Variants in KCNT2 observed in about 807,000 individuals in gnomAD.
The protein encoded by KCNT2 is potassium sodium-activated channel subfamily T member 2.
Under a neutral mutation model 153.8 loss-of-function variants are expected in KCNT2, and 67 were observed. That is an observed-to-expected ratio of 0.44 (90% CI 0.36 to 0.53). The LOEUF is 0.53. Among genes scored for constraint, KCNT2 ranks in the 20% least tolerant of loss-of-function variants. KCNT2 has a pLI of 0.00. For missense variants in KCNT2, 975 were observed against 1,354.8 expected, an observed-to-expected ratio of 0.72 and a Z score of 4.40; for synonymous variants, 500 against 458.8, an observed-to-expected ratio of 1.09 and a Z score of -1.15.
intron 8 of KCNT2, among the ~76,000 whole-genome samples, chr1:196,444,070 A>G (rs1042903705): frequency 6.6e-6 from 1 of 151,534 alleles, no homozygotes; most frequent in African/African-American, 2.4e-5. Context: ...GGTGGCTTAC[A>G]GAAGAAATGA....
intron 10 of KCNT2, among the ~76,000 whole-genome samples, chr1:196,426,312 T>C (rs570984317): frequency 1.4e-4 from 22 of 152,168 alleles, no homozygotes; most frequent in African/African-American, 4.6e-4. Flanking sequence ...ATCTACAGAC[T>C]GATCCTAAAA....
chr1:196,318,315 G>C (rs956512860), intron 20 of KCNT2, among the ~76,000 whole-genome samples: 1 of 151,678 alleles, frequency 6.6e-6, no homozygotes, highest in Non-Finnish European at 1.5e-5. Flanking sequence ...ACAAGCAAAA[G>C]AGGAGAATTG....
intron 26 of KCNT2, among the ~76,000 whole-genome samples, chr1:196,244,896 G>A (rs1655286529): frequency 6.6e-6 from 1 of 152,164 alleles, no homozygotes; most frequent in Non-Finnish European, 1.5e-5. Flanking sequence ...CCTTGGGCAA[G>A]GCCCCATAGT....
intron 1 of KCNT2, among the ~76,000 whole-genome samples, chr1:196,534,634 GA>G (rs1487887596): frequency 5.9e-5 from 9 of 151,714 alleles, no homozygotes; most frequent in East Asian, 1.9e-4. Flanking sequence ...TAAAAGAACA[GA>G]AAAAAAGGAA....
rs376035786 is a variant in KCNT2 at position 196,282,361 on chromosome 1, A to C, written c.2698-5T>G. On this transcript the variant is annotated splice_polypyrimidine_tract_variant and splice_region_variant and intron_variant, in intron 23 of 27. Coordinates refer to ENST00000294725, the MANE Select transcript of KCNT2 (RefSeq NM_198503.5). The stretch of plus-strand genomic sequence containing the variant: ...CATATAATCCTTCACAAATGACTGC[A>C]ATATAAACAAACAAACAATATATAA... The C allele has an allele frequency of 1.7e-5, 24 of 1,439,314 alleles. No homozygotes were observed. Among genetic ancestry groups the C allele is most frequent in the African/African-American group, 2.8e-5 (2 of 71,062 alleles). 89.2% of individuals were successfully genotyped at this position (1,439,314 alleles called of 1,614,324 possible).
intron 2 of KCNT2, among the ~76,000 whole-genome samples, chr1:196,490,404 T>C (rs1347668464): frequency 6.7e-6 from 1 of 149,182 alleles, no homozygotes; most frequent in Non-Finnish European, 1.5e-5. Flanking sequence ...ATTTGTATAG[T>C]TCTATGTTGT....
chr1:196,390,655 C>A (rs1670398471), intron 13 of KCNT2, among the ~76,000 whole-genome samples: 1 of 150,674 alleles, frequency 6.6e-6, no homozygotes, highest in Non-Finnish European at 1.5e-5. Context: ...AAATTTTATG[C>A]CTTTACCGAA....
At chr1:196,437,747 C>A (rs1218665896) in intron 8 of KCNT2, among the ~76,000 whole-genome samples, 1 of 150,886 alleles carries the variant, frequency 6.6e-6, no homozygotes, top group Non-Finnish European at 1.5e-5. Flanking sequence ...TAAAATTTTA[C>A]TTAAGTATTT....
intron 4 of KCNT2, among the ~76,000 whole-genome samples, chr1:196,480,855 CAAA>C (rs372270510): frequency 0.018 from 467 of 26,608 alleles, no homozygotes; most frequent in South Asian, 0.11. Context: ...GACTTCGTCT[CAAA>C]AAAAAAAAAA....
Position 196,289,563 on chromosome 1 carries a change from C to A in KCNT2, c.2596-3805G>T, listed in dbSNP as rs563979798. Among the ~76,000 whole-genome samples, 18 of 152,190 alleles carry A rather than the reference C, an allele frequency of 1.2e-4. No individual in the cohort carries two copies. In the South Asian group the frequency reaches 3.5e-3, roughly 30 times the overall value. On this transcript the variant is annotated intron_variant, in intron 22 of 27. Coordinates refer to ENST00000294725, the MANE Select transcript of KCNT2 (RefSeq NM_198503.5). Reference sequence around the variant, plus strand: ...TGCATAGTTTAATGCTTAGAACATTCATATGCCAGAAACAAGAAACAAACG... The same window carrying A: ...TGCATAGTTTAATGCTTAGAACATTAATATGCCAGAAACAAGAAACAAACG...
intron 12 of KCNT2, among the ~76,000 whole-genome samples, chr1:196,409,209 ATCATTT>A (rs1233210780): frequency 6.6e-6 from 1 of 151,188 alleles, no homozygotes; most frequent in Admixed American, 6.6e-5. Flanking sequence ...TGTGCAGTGT[ATCATTT>A]TCATCTTCTT....
At chr1:196,347,288 ATT>A (rs1368735353) in intron 14 of KCNT2, among the ~76,000 whole-genome samples, 1 of 152,056 alleles carries the variant, frequency 6.6e-6, no homozygotes, top group Admixed American at 6.6e-5. Context: ...CCAATTTTCT[ATT>A]TTTCTTATAT....
rs556341998 is a variant in KCNT2, at chr1:196,262,003, T to C, written c.2911-3509A>G. 2.4e-4 allele frequency among the ~76,000 whole-genome samples: 36 copies of C among 152,016 alleles called. No individual in the cohort carries two copies. The South Asian group carries it at 6.6e-3, about 28-fold the overall frequency. On this transcript the variant is annotated intron_variant, in intron 25 of 27. Coordinates refer to ENST00000294725, the MANE Select transcript of KCNT2 (RefSeq NM_198503.5). ...TAAAATATTATCATTTTCTAAAAGT[T>C]ATATTACTTCCTAAATATTTATCAT...
chr1:196,288,900 C>T (rs1659923165), intron 22 of KCNT2, among the ~76,000 whole-genome samples: 1 of 152,066 alleles, frequency 6.6e-6, no homozygotes, highest in Non-Finnish European at 1.5e-5. Context: ...TCTGAAACCA[C>T]ATACAATAGT....
intron 1 of KCNT2, among the ~76,000 whole-genome samples, chr1:196,506,581 G>A (rs577510404): frequency 1.3e-4 from 20 of 152,068 alleles, no homozygotes; most frequent in Non-Finnish European, 2.5e-4. Context: ...ATTAAGACTT[G>A]CTTCAAAGCC....
intron 1 of KCNT2, among the ~76,000 whole-genome samples, chr1:196,517,501 G>A (rs1652741635): frequency 6.6e-6 from 1 of 152,148 alleles, no homozygotes; most frequent in South Asian, 2.1e-4. Flanking sequence ...ACAGCAAAGT[G>A]CAATCCAAGG....
intron 1 of KCNT2, among the ~76,000 whole-genome samples, chr1:196,604,304 T>C (rs1453662967): frequency 6.6e-6 from 1 of 152,198 alleles, no homozygotes; most frequent in African/African-American, 2.4e-5. Flanking sequence ...GACTGAGCGC[T>C]ATTTCATATT....
At chr1:196,270,852 C>G (rs1181804150) in intron 25 of KCNT2, among the ~76,000 whole-genome samples, 3 of 147,294 alleles carry the variant, frequency 2.0e-5, no homozygotes, top group Admixed American at 1.4e-4. Flanking sequence ...TGTGTGTGTG[C>G]ATGTATGTGT....
chr1:196,405,910 AAAAT>A (rs1671792910), intron 12 of KCNT2, among the ~76,000 whole-genome samples: 1 of 151,586 alleles, frequency 6.6e-6, no homozygotes, highest in South Asian at 2.1e-4. Context: ...AAACACTTAT[AAAAT>A]AAATAAAGAG....
Sources: allele counts gnomAD v4.1 joint callset (sites outside exome capture counted in the v4.1 genomes callset), GRCh38; gene constraint gnomAD v4.1.1; transcripts MANE v1.5; gene names NCBI Gene and HGNC (gene_info 2026-07-23, HGNC 2026-07-21).